C11orf65: variants seen among roughly 807,000 people sequenced by gnomAD.
C11orf65 encodes protein MFI.
A neutral mutation model predicts 35.3 loss-of-function variants in C11orf65; 38 were observed. The ratio of observed to expected loss-of-function variants is 1.08; its 90% confidence interval spans 0.83 to 1.41. The LOEUF is 1.41. Ranked by LOEUF, C11orf65 falls within the 40% of genes most tolerant of loss-of-function variation. C11orf65 has a pLI of 0.00. For missense variants in C11orf65, 370 were observed against 367.1 expected (o/e 1.01, Z -0.06); for synonymous variants, 105 against 114.4 (o/e 0.92, Z 0.53).
At chr11:108,398,243 G>C (rs1422373544) in intron 6 of C11orf65, among the ~76,000 whole-genome samples, 1 of 152,174 alleles carries the variant, frequency 6.6e-6, no homozygotes, top group Admixed American at 6.5e-5. Flanking sequence ...AAAATGATGA[G>C]ACATCACAGT....
chr11:108,340,861 A>AGT (rs1041331811), intron 2 of C11orf65, among the ~76,000 whole-genome samples: 15 of 152,296 alleles, frequency 9.8e-5, no homozygotes, highest in Non-Finnish European at 1.9e-4. Context: ...TACCTTATAT[A>AGT]GTGTAAATGC....
At chr11:108,381,351 G>C (rs985279732), downstream of C11orf65, among the ~76,000 whole-genome samples, 3 of 152,114 alleles carry the variant, frequency 2.0e-5, no homozygotes, top group Admixed American at 2.0e-4. Context: ...GTGAGGGAAT[G>C]GTTCCCCTGG....
At chr11:108,444,893 T>A (rs1463647731) in intron 2 of C11orf65, among the ~76,000 whole-genome samples, 1 of 152,122 alleles carries the variant, frequency 6.6e-6, no homozygotes, top group Non-Finnish European at 1.5e-5. Context: ...GAAAATCCAG[T>A]CACTTCCCAT....
chr11:108,385,859 G>T, intron 8 of C11orf65, 61 bp downstream of exon 8: 1 of 1,308,842 alleles, frequency 7.6e-7, no homozygotes, highest in Non-Finnish European at 1.1e-6. Context: ...AGAAATACGT[G>T]TGTGGAATGT....
At chr11:108,458,109 A>C (rs2093428999) in intron 2 of C11orf65, among the ~76,000 whole-genome samples, 1 of 152,024 alleles carries the variant, frequency 6.6e-6, no homozygotes, top group Admixed American at 6.6e-5. Context: ...TCTTAGAGGC[A>C]CTCAATATCC....
intron 1 of C11orf65, among the ~76,000 whole-genome samples, chr11:108,466,565 G>A (rs762853321): frequency 2.0e-5 from 3 of 152,138 alleles, no homozygotes; most frequent in South Asian, 2.1e-4. Flanking sequence ...ACAGCGAGAT[G>A]CCTTCTCAAA....
chr11:108,361,523 C>T (rs2090754030), intron 2 of C11orf65, among the ~76,000 whole-genome samples: 1 of 152,022 alleles, frequency 6.6e-6, no homozygotes, highest in South Asian at 2.1e-4. Flanking sequence ...AAGCTGGAGG[C>T]ATCACACTAC....
At chr11:108,434,376 G>A (rs1426614009) in intron 2 of C11orf65, among the ~76,000 whole-genome samples, 3 of 151,986 alleles carry the variant, frequency 2.0e-5, no homozygotes, top group Non-Finnish European at 2.9e-5. Context: ...ATGGTGGTGT[G>A]TGCCTGTAAT....
intron 6 of C11orf65, among the ~76,000 whole-genome samples, chr11:108,393,908 C>T (rs1208956152): frequency 6.6e-6 from 1 of 152,110 alleles, no homozygotes; most frequent in Non-Finnish European, 1.5e-5. Context: ...CCAGGCCCAG[C>T]GCGGTGGCTC....
chr11:108,433,395 A>G (rs1423445714), intron 2 of C11orf65, among the ~76,000 whole-genome samples: 1 of 151,740 alleles, frequency 6.6e-6, no homozygotes, highest in African/African-American at 2.4e-5. Context: ...CGGCTAACAC[A>G]GTGAAACCCT....
intron 3 of C11orf65, chr11:108,331,765 T>A: frequency 7.4e-7 from 1 of 1,358,662 alleles, no homozygotes; most frequent in Non-Finnish European, 1.0e-6. Context: ...GCATACACGC[T>A]CTACCCACTG....
intron 2 of C11orf65, among the ~76,000 whole-genome samples, chr11:108,341,694 T>C (rs540869361): frequency 2.6e-5 from 4 of 152,272 alleles, no homozygotes; most frequent in African/African-American, 9.6e-5. Context: ...AAAAGGATCA[T>C]TTTAATATAA....
intron 2 of C11orf65, among the ~76,000 whole-genome samples, chr11:108,441,628 G>A (rs1030307199): frequency 2.6e-5 from 4 of 152,178 alleles, no homozygotes; most frequent in Admixed American, 6.5e-5. Flanking sequence ...CAAAGCTTCC[G>A]GAGGAAGGAT....
chr11:108,453,897 C>T (rs2093381886), intron 2 of C11orf65, among the ~76,000 whole-genome samples: 1 of 152,202 alleles, frequency 6.6e-6, no homozygotes, highest in Non-Finnish European at 1.5e-5. Flanking sequence ...TGGTATCCAA[C>T]TCATGTTGGC....
At chr11:108,340,667 A>C (rs1484437180) in intron 2 of C11orf65, among the ~76,000 whole-genome samples, 1 of 152,174 alleles carries the variant, frequency 6.6e-6, no homozygotes, top group Non-Finnish European at 1.5e-5. Flanking sequence ...AATAACTGTT[A>C]GAGTGATCCT....
chr11:108,330,534 C>G, downstream of C11orf65: 2 of 1,047,632 alleles, frequency 1.9e-6, no homozygotes, highest in African/African-American at 3.1e-5. Context: ...TGGTCCAGTG[C>G]TCTACACATA....
At chr11:108,335,615 C>G (rs1332224352) in intron 2 of C11orf65, among the ~76,000 whole-genome samples, 2 of 152,070 alleles carry the variant, frequency 1.3e-5, no homozygotes, top group African/African-American at 4.8e-5. Context: ...GGGGGGACTT[C>G]CAGTTAATCT....
chr11:108,370,363 T>C (rs1037645451), intron 2 of C11orf65, among the ~76,000 whole-genome samples: 1 of 152,066 alleles, frequency 6.6e-6, no homozygotes, highest in African/African-American at 2.4e-5. Flanking sequence ...TATAGTCATA[T>C]CATCTATGAG....
In C11orf65 at chr11:108,374,365, C is replaced by G. The variant is rs182911782; in HGVS notation, c.226+18843G>C. On this transcript the variant is annotated intron_variant, in intron 2 of 3. Coordinates refer to the C11orf65 transcript ENST00000524755. ...GGTTCTGCAGACACCGCTGCTGATA[C>G]CCAGGTAAACAGGGTCTGGAGTGGA... Among the ~76,000 whole-genome samples, 473 of 136,928 alleles carry G rather than the reference C, an allele frequency of 3.5e-3. 1 individual carries two copies. The highest frequency in any genetic ancestry group is 0.011 in the African/African-American group (456 of 40,922). The allele number at this position is 136,928 out of a possible 152,430, so 89.8% of individuals were successfully genotyped here. A position where few individuals can be genotyped will look rare whatever the true frequency, so the allele number is the denominator to read the frequency against.
Sources: gnomAD v4.1 joint callset for allele counts (sites outside exome capture counted in the v4.1 genomes callset) on GRCh38, gnomAD v4.1.1 for gene constraint, MANE v1.5 for transcripts, NCBI Gene and HGNC (gene_info 2026-07-23, HGNC 2026-07-21) for gene names.